XKR4: variants seen among roughly 807,000 people sequenced by gnomAD.
XKR4 encodes XK-related protein 4.
XKR4 carries 12 observed loss-of-function variants against 53.9 expected under a neutral mutation model. The ratio of observed to expected loss-of-function variants is 0.22; its 90% CI spans 0.14 to 0.36. The LOEUF (loss-of-function observed/expected upper bound fraction) is 0.36. Ranked by LOEUF, XKR4 falls within the 10% of genes least tolerant of loss-of-function variation. The pLI is 1.00. For synonymous variants in XKR4, 354 were observed against 362.4 expected (o/e 0.98, Z 0.26); for missense variants, 799 against 859.5 (o/e 0.93, Z 0.88).
At chr8:55,422,145 A>T (rs768884219) in intron 2 of XKR4, among the ~76,000 whole-genome samples, 2 of 152,248 alleles carry the variant, frequency 1.3e-5, no homozygotes, top group African/African-American at 2.4e-5. Flanking sequence ...GACTTTTTCA[A>T]TTCATAAATA....
At chr8:55,453,789 G>A (rs907246958) in intron 2 of XKR4, 2 of 431,504 alleles carry the variant, frequency 4.6e-6, no homozygotes, top group Non-Finnish European at 4.5e-6. Flanking sequence ...TGGATGTGAT[G>A]CAGGACTCAT....
intron 2 of XKR4, among the ~76,000 whole-genome samples, chr8:55,499,785 G>T (rs1391655897): frequency 6.6e-6 from 1 of 152,076 alleles, no homozygotes; most frequent in Non-Finnish European, 1.5e-5. Context: ...CAGCTGTTGC[G>T]CTGTCTTTAG....
Position 55,539,079 on chromosome 8 carries a change from C to T in XKR4, c.*14852C>T, listed in dbSNP as rs1166592593. Reference sequence around the variant, plus strand: ...CAACATCAGAGAATATCCTGTACAACTTCCCCAAAAGTGACAAGTTTTCTT... The same window carrying T: ...CAACATCAGAGAATATCCTGTACAATTTCCCCAAAAGTGACAAGTTTTCTT... On this transcript the variant is annotated 3_prime_UTR_variant, in exon 3 of 3. Coordinates refer to ENST00000327381, the MANE Select transcript of XKR4 (RefSeq NM_052898.2). The T allele has an allele frequency of 6.6e-6, 1 of 152,198 alleles. No individual in the cohort carries two copies. Among genetic ancestry groups the T allele is most frequent in the Non-Finnish European group, 1.5e-5 (1 of 68,038 alleles). The allele number at this position is 152,198 out of a possible 1,614,324, so 9.4% of individuals were successfully genotyped here. A position where few individuals can be genotyped will look rare whatever the true frequency, so the allele number is the denominator to read the frequency against.
intron 2 of XKR4, among the ~76,000 whole-genome samples, chr8:55,405,380 C>T (rs930669904): frequency 6.6e-6 from 1 of 152,248 alleles, no homozygotes; most frequent in African/African-American, 2.4e-5. Context: ...ATGTTGGCAA[C>T]TGTCCACATA....
chr8:55,387,952 T>C (rs1243123598), intron 2 of XKR4, among the ~76,000 whole-genome samples: 1 of 152,256 alleles, frequency 6.6e-6, no homozygotes. Context: ...TGTCTTATTG[T>C]TCTCACAGAG....
At chr8:55,243,417 T>C (rs1054437630) in intron 1 of XKR4, among the ~76,000 whole-genome samples, 3 of 152,246 alleles carry the variant, frequency 2.0e-5, no homozygotes, top group Non-Finnish European at 4.4e-5. Flanking sequence ...TTACAGGATG[T>C]AACCTTTTCA....
intron 1 of XKR4, among the ~76,000 whole-genome samples, chr8:55,160,020 GA>G (rs1398515708): frequency 6.6e-6 from 1 of 152,328 alleles, no homozygotes; most frequent in Non-Finnish European, 1.5e-5. Context: ...ATGTAGAAAA[GA>G]AATGATGTAG....
intron 2 of XKR4, among the ~76,000 whole-genome samples, chr8:55,402,285 G>A (rs948529980): frequency 2.6e-5 from 4 of 152,224 alleles, no homozygotes; most frequent in Non-Finnish European, 4.4e-5. Flanking sequence ...ACTGCTCTGT[G>A]CTGAGCCCTG....
At chr8:55,412,631 A>G (rs1297813499) in intron 2 of XKR4, among the ~76,000 whole-genome samples, 1 of 152,210 alleles carries the variant, frequency 6.6e-6, no homozygotes, top group African/African-American at 2.4e-5. Context: ...TCACAAAAGG[A>G]TATGTAAAAC....
chr8:55,306,721 G>T (rs932969719), intron 1 of XKR4, among the ~76,000 whole-genome samples: 5 of 152,162 alleles, frequency 3.3e-5, no homozygotes, highest in Non-Finnish European at 7.3e-5. Flanking sequence ...GATGAGATTT[G>T]GGTGGGGACG....
At chr8:55,127,677 A>C (rs1816491097) in intron 1 of XKR4, among the ~76,000 whole-genome samples, 1 of 136,656 alleles carries the variant, frequency 7.3e-6, no homozygotes, top group African/African-American at 2.7e-5. Context: ...GGTGTGCTGC[A>C]CCCATGAACT....
intron 2 of XKR4, among the ~76,000 whole-genome samples, chr8:55,430,431 C>G (rs1307788614): frequency 6.6e-6 from 1 of 152,132 alleles, no homozygotes; most frequent in African/African-American, 2.4e-5. Context: ...AATAAACAAA[C>G]TGATGATTCA....
intron 2 of XKR4, among the ~76,000 whole-genome samples, chr8:55,375,437 C>T (rs920169751): frequency 1.3e-5 from 2 of 152,128 alleles, no homozygotes; most frequent in Non-Finnish European, 2.9e-5. Flanking sequence ...AATTTAAACT[C>T]GTTTCACCTA....
At chr8:55,446,352 T>C (rs1422290038) in intron 2 of XKR4, among the ~76,000 whole-genome samples, 1 of 152,128 alleles carries the variant, frequency 6.6e-6, no homozygotes, top group Non-Finnish European at 1.5e-5. Flanking sequence ...CTGATTTCTT[T>C]TTTTTTTGAC....
chr8:55,372,191 G>T (rs1166389016), intron 2 of XKR4, among the ~76,000 whole-genome samples: 2 of 152,202 alleles, frequency 1.3e-5, no homozygotes, highest in Non-Finnish European at 2.9e-5. Flanking sequence ...ATAAGGAGCT[G>T]TCTGCAAGGA....
intron 2 of XKR4, among the ~76,000 whole-genome samples, chr8:55,515,863 T>C (rs1180254712): frequency 6.6e-6 from 1 of 152,182 alleles, no homozygotes; most frequent in Non-Finnish European, 1.5e-5. Flanking sequence ...CAGCCTGCCA[T>C]GTACCCCGTG....
chr8:55,523,384 G>A lies in XKR4; in HGVS notation c.1110G>A (p.Met370Ile), dbSNP rs1214552470. 1.2e-6 allele frequency: 2 copies of A among 1,614,206 alleles called. No homozygotes were observed. The highest frequency in any genetic ancestry group is 2.2e-5 in the East Asian group (1 of 44,874). Residue 370 changes from methionine (M) to isoleucine (I), a missense_variant, in exon 3 of 3, where the codon ATG (methionine) becomes ATA (isoleucine). Met to Ile is a conservative substitution (Grantham distance 10). Transcript: ENST00000327381. Reference protein sequence around the residue: ...SRDDKKPISYMAVIIQFCWHF... With the variant: ...SRDDKKPISYIAVIIQFCWHF... The stretch of plus-strand genomic sequence containing the variant: ...ATGACAAGAAGCCCATCAGCTACAT[G>A]GCCGTCATCATCCAGTTCTGCTGGC...
intron 2 of XKR4, among the ~76,000 whole-genome samples, chr8:55,376,621 T>G (rs968859339): frequency 7.9e-5 from 12 of 152,214 alleles, no homozygotes; most frequent in Admixed American, 6.5e-4. Flanking sequence ...AGATTCTGGA[T>G]ATTAGACTTT....
intron 2 of XKR4, among the ~76,000 whole-genome samples, chr8:55,383,745 C>T (rs1804268254): frequency 6.6e-6 from 1 of 152,042 alleles, no homozygotes. Context: ...TCTGAGTCTG[C>T]TTAGAAGATT....
Sources: gnomAD v4.1 joint callset for allele counts (sites outside exome capture counted in the v4.1 genomes callset) on GRCh38, gnomAD v4.1.1 for gene constraint, MANE v1.5 for transcripts, NCBI Gene and HGNC (gene_info 2026-07-23, HGNC 2026-07-21) for gene names.